Variants in ZNF398 observed in about 807,000 individuals in gnomAD.
ZNF398 encodes the protein zinc finger DNA binding protein ZER6.
Under a neutral mutation model 41.9 loss-of-function variants are expected in ZNF398, and 18 were observed. The observed-to-expected ratio is 0.43, with a 90% CI of 0.30 to 0.64. ZNF398 has a LOEUF of 0.64. Among genes scored for constraint, ZNF398 ranks in the 30% least tolerant of loss-of-function variants. ZNF398 has a pLI of 0.14. For synonymous variants in ZNF398, 260 were observed against 308.8 expected (o/e 0.84, Z 1.66); for missense variants, 669 against 822.8 (o/e 0.81, Z 2.29).
intron 4 of ZNF398, among the ~76,000 whole-genome samples, chr7:149,173,293 G>T (rs1795390223): frequency 2.0e-5 from 3 of 151,810 alleles, no homozygotes; most frequent in Non-Finnish European, 4.4e-5. Flanking sequence ...TTTTAGTAGA[G>T]ACGGGGTTTC....
intron 2 of ZNF398, among the ~76,000 whole-genome samples, chr7:149,160,611 T>G (rs1265291898): frequency 6.6e-6 from 1 of 152,238 alleles, no homozygotes; most frequent in African/African-American, 2.4e-5. Context: ...TTGCAGATAG[T>G]CATATTCCCC....
intron 4 of ZNF398, among the ~76,000 whole-genome samples, chr7:149,168,117 C>T (rs187020219): frequency 5.1e-4 from 77 of 152,190 alleles, no homozygotes; most frequent in African/African-American, 1.7e-3. Context: ...CTCACTCTGT[C>T]GCCCAGGCTG....
upstream of ZNF398, among the ~76,000 whole-genome samples, chr7:149,143,244 C>T (rs970365946): frequency 3.9e-5 from 6 of 152,196 alleles, no homozygotes; most frequent in Non-Finnish European, 7.3e-5. Flanking sequence ...GCAATTATTA[C>T]GTCCTTCTAA....
chr7:149,176,592 A>C lies in ZNF398; in HGVS notation c.775+11A>C. On this transcript the variant is annotated intron_variant, in intron 5 of 5. Coordinates refer to ENST00000475153, the MANE Select transcript of ZNF398 (RefSeq NM_170686.3). ...AAAGCACTTATGCTGGTGAGTATGA[A>C]ATTAAAGAGGTGTTCATGTCCATAT... 4.5e-6 allele frequency: 7 copies of C among 1,562,478 alleles called. No individual in the cohort carries two copies. The highest frequency in any genetic ancestry group is 6.1e-6 in the Non-Finnish European group (7 of 1,144,894).
intron 1 of ZNF398, among the ~76,000 whole-genome samples, chr7:149,127,334 A>G (rs1826501988): frequency 1.3e-5 from 2 of 151,882 alleles, no homozygotes; most frequent in African/African-American, 4.8e-5. Flanking sequence ...GCGTGTGCAC[A>G]TCTGTATTTG....
intron 2 of ZNF398, among the ~76,000 whole-genome samples, chr7:149,130,547 T>G (rs1249149018): frequency 6.6e-6 from 1 of 152,206 alleles, no homozygotes; most frequent in Non-Finnish European, 1.5e-5. Flanking sequence ...TACAAGGAAC[T>G]AGCAAACCAT....
chr7:149,153,415 C>T (rs925731962), intron 1 of ZNF398, among the ~76,000 whole-genome samples: 3 of 152,168 alleles, frequency 2.0e-5, no homozygotes, highest in Non-Finnish European at 4.4e-5. Flanking sequence ...TAAGATGAAA[C>T]AAGGCTGTTC....
intron 4 of ZNF398, among the ~76,000 whole-genome samples, chr7:149,175,955 G>T (rs967354741): frequency 6.6e-6 from 1 of 151,948 alleles, no homozygotes; most frequent in Non-Finnish European, 1.5e-5. Context: ...CAAAGTTCTG[G>T]GCTTACACGC....
chr7:149,175,959 TAC>T lies in ZNF398; in HGVS notation c.662-506_662-505del, dbSNP rs1365239261. On this transcript the variant is annotated intron_variant, in intron 4 of 5. Coordinates refer to ENST00000475153, the MANE Select transcript of ZNF398 (RefSeq NM_170686.3). ...CCTCGGCCTCCCAAAGTTCTGGGCT[TAC>T]ACGCGTGAGTTACCACACCCATCCT... Among the ~76,000 whole-genome samples, 3 of 152,172 alleles carry T rather than the reference TAC, an allele frequency of 2.0e-5. No homozygotes were observed. The East Asian group carries it at 5.8e-4, about 29-fold the overall frequency.
chr7:149,155,705 A>AT (rs1563159463), intron 2 of ZNF398, among the ~76,000 whole-genome samples: 44 of 66,640 alleles, frequency 6.6e-4, no homozygotes, highest in African/African-American at 2.6e-3. Flanking sequence ...ATATATATAT[A>AT]TATTTTTTTT....
rs1795545037 is a variant in ZNF398, at chr7:149,179,482, G to A, written c.1610G>A (p.Arg537Gln). The A allele has an allele frequency of 1.9e-6, 3 of 1,614,110 alleles. No homozygotes were observed. Among genetic ancestry groups the A allele is most frequent in the Non-Finnish European group, 2.5e-6 (3 of 1,180,024 alleles). The part of the protein sequence containing the change: ...LNHRRLHTGE[R>Q]PFSCPHCGKS... ...CACCGGCGGCTGCACACAGGCGAGC[G>A]GCCCTTCAGTTGTCCTCACTGTGGC... The change falls in exon 6 of 6, where the codon CGG (arginine) becomes CAG (glutamine). Residue 537 changes from arginine to glutamine, a missense_variant. Physicochemically the swap from Arg to Gln is conservative, Grantham distance 43 (BLOSUM62 1). This residue lies in a region of ZNF398 where 210 missense variants were observed against 290.4 expected (regional missense o/e 0.72). Transcript: ENST00000475153. This position sits in a 1 kb window ranked among gnomAD's most constrained non-coding sequence, Gnocchi z 6.1.
chr7:149,167,435 G>A (rs939747510), intron 4 of ZNF398, among the ~76,000 whole-genome samples: 6 of 152,086 alleles, frequency 3.9e-5, no homozygotes, highest in African/African-American at 1.4e-4. Context: ...TTAACATTGT[G>A]TGGGAAAGAC....
rs1826997979 is a variant in ZNF398, at chr7:149,147,918, G to C, written c.24+152G>C. ...GCCCGTGCTTGGCGGCTGCAGCCTC[G>C]CGTGAGGGGACTTAGCGGGTGGGTG... On this transcript the variant is annotated intron_variant, in intron 1 of 5. Transcript: ENST00000475153. This position sits in a 1 kb window ranked among gnomAD's most constrained non-coding sequence, Gnocchi z 5.6. 3 of 1,021,566 alleles carry C rather than the reference G, an allele frequency of 2.9e-6. No homozygotes were observed. The highest frequency in any genetic ancestry group is 3.8e-6 in the Non-Finnish European group (3 of 782,862). 63.3% of individuals were successfully genotyped at this position (1,021,566 alleles called of 1,614,324 possible).
chr7:149,134,221 C>T (rs1213036659), intron 2 of ZNF398, among the ~76,000 whole-genome samples: 1 of 151,646 alleles, frequency 6.6e-6, no homozygotes, highest in Non-Finnish European at 1.5e-5. Flanking sequence ...CCCGCCACCA[C>T]GCCCAGCTAA....
At chr7:149,165,874 T>C (rs1178582567) in intron 2 of ZNF398, among the ~76,000 whole-genome samples, 1 of 152,224 alleles carries the variant, frequency 6.6e-6, no homozygotes, top group Non-Finnish European at 1.5e-5. Flanking sequence ...TTAACATACA[T>C]GGTATTTAGA....
At position 149,159,291 on chromosome 7, in the gene ZNF398, A is replaced by C. The variant is rs181270024; in HGVS notation, c.420+4951A>C. On this transcript the variant is annotated intron_variant, in intron 2 of 5. Coordinates refer to ENST00000475153, the MANE Select transcript of ZNF398 (RefSeq NM_170686.3). Reference sequence around the variant, plus strand: ...ATTAAAATGCATTTGATTCTAGTCAAAATGTATTAAAGATTTACTAAATTG... The same window carrying C: ...ATTAAAATGCATTTGATTCTAGTCACAATGTATTAAAGATTTACTAAATTG... Among the ~76,000 whole-genome samples the C allele has an allele frequency of 3.4e-3, 513 of 152,200 alleles. 2 individuals carry two copies. The highest frequency in any genetic ancestry group is 0.012 in the African/African-American group (493 of 41,534).
Position 149,147,556 on chromosome 7 carries a change from C to A in ZNF398, c.-187C>A. ...TGATCCGCCGCCTGCTGCACCGCGC[C>A]TCCGCCGCGTTCCTGCGCGTCCCGA... On this transcript the variant is annotated 5_prime_UTR_variant, in exon 1 of 6. Coordinates refer to ENST00000475153, the MANE Select transcript of ZNF398 (RefSeq NM_170686.3). This position sits in a 1 kb window ranked among gnomAD's most constrained non-coding sequence, Gnocchi z 5.6. The A allele has an allele frequency of 1.9e-6, 1 of 523,414 alleles. No individual in the cohort carries two copies. Among genetic ancestry groups the A allele is most frequent in the Non-Finnish European group, 2.8e-6 (1 of 358,490 alleles). 32.4% of individuals were successfully genotyped at this position (523,414 alleles called of 1,614,324 possible).
At chr7:149,148,970 A>G (rs1003418623) in intron 1 of ZNF398, among the ~76,000 whole-genome samples, 6 of 147,684 alleles carry the variant, frequency 4.1e-5, no homozygotes, top group Non-Finnish European at 8.9e-5. Flanking sequence ...AAGCCAAAAG[A>G]TTGGACACCC....
chr7:149,158,470 AG>A (rs1366416087), intron 2 of ZNF398, among the ~76,000 whole-genome samples: 1 of 152,184 alleles, frequency 6.6e-6, no homozygotes, highest in African/African-American at 2.4e-5. Context: ...TTTCTCATAG[AG>A]AACCTTCTCC....
Sources: allele counts gnomAD v4.1 joint callset (sites outside exome capture counted in the v4.1 genomes callset), GRCh38; gene constraint gnomAD v4.1.1; regional missense constraint gnomAD v4.1.1; non-coding constraint Gnocchi (gnomAD v3.1); transcripts MANE v1.5; gene names NCBI Gene and HGNC (gene_info 2026-07-23, HGNC 2026-07-21).